Variants in CFAP57 observed in about 807,000 individuals in gnomAD.
The protein encoded by CFAP57 is cilia and flagella associated protein 57, also known as cilia- and flagella-associated protein 57.
CFAP57 carries 116 observed loss-of-function variants against 146.8 expected under a neutral mutation model. The ratio of observed to expected loss-of-function variants is 0.79; its 90% CI spans 0.68 to 0.92. The LOEUF (loss-of-function observed/expected upper bound fraction) is 0.92. Among genes scored for constraint, CFAP57 ranks in the 40% least tolerant of loss-of-function variants. The probability of loss-of-function intolerance (pLI) is 0.00; values close to 1 mark genes in which losing one functional copy is unlikely to be tolerated. For missense variants in CFAP57, 1,377 were observed against 1,527.2 expected (o/e 0.90, Z 1.64); for synonymous variants, 518 against 552.8 (o/e 0.94, Z 0.88).
At chr1:43,209,493 A>G (rs879477902) in intron 10 of CFAP57, among the ~76,000 whole-genome samples, 4 of 152,234 alleles carry the variant, frequency 2.6e-5, no homozygotes, top group African/African-American at 4.8e-5. Context: ...TGCTATATGA[A>G]TATCTCTCTC....
At chr1:43,228,685 A>G (rs1005928004) in intron 18 of CFAP57, among the ~76,000 whole-genome samples, 1 of 149,168 alleles carries the variant, frequency 6.7e-6, no homozygotes, top group African/African-American at 2.5e-5. Flanking sequence ...TGGGCCTCCT[A>G]CCATTCTTGA....
chr1:43,234,428 C>G lies in CFAP57; in HGVS notation c.3261+15C>G. On this transcript the variant is annotated intron_variant, in intron 20 of 22. Coordinates refer to ENST00000372492, the MANE Select transcript of CFAP57 (RefSeq NM_001378189.1). ...GAGCAGACATGGTAAGCTCAGCCTC[C>G]CCTCCTGCCATGCACTGACCTCCGG... is the stretch of plus-strand genomic sequence containing the variant. The G allele has an allele frequency of 6.5e-7, 1 of 1,545,438 alleles. No individual in the cohort carries two copies. The highest frequency in any genetic ancestry group is 1.2e-5 in the South Asian group (1 of 83,264).
chr1:43,254,311 C>T lies in CFAP57; in HGVS notation c.*120C>T, dbSNP rs890399211. The T allele has an allele frequency of 3.5e-6, 3 of 868,968 alleles. No homozygotes were observed. The highest frequency in any genetic ancestry group is 3.5e-6 in the Non-Finnish European group (2 of 575,492). The allele number at this position is 868,968 out of a possible 1,614,324, so 53.8% of individuals were successfully genotyped here. On this transcript the variant is annotated 3_prime_UTR_variant, in exon 23 of 23. Transcript: ENST00000372492. ...CAGCACTGACCCCAGCAACCTCTTT[C>T]TCTTGCCCTGGGGAATTTGGGACAC...
At chr1:43,209,257 G>T (rs1340542072) in intron 10 of CFAP57, among the ~76,000 whole-genome samples, 2 of 152,164 alleles carry the variant, frequency 1.3e-5, no homozygotes, top group Non-Finnish European at 2.9e-5. Flanking sequence ...CTTGCTGAAT[G>T]CATTTATGAG....
At chr1:43,187,302 T>C (rs1643193833) in intron 6 of CFAP57, among the ~76,000 whole-genome samples, 1 of 152,224 alleles carries the variant, frequency 6.6e-6, no homozygotes, top group African/African-American at 2.4e-5. Flanking sequence ...GATCATATTG[T>C]ACTTAAAATG....
At chr1:43,185,099 C>T in intron 4 of CFAP57, 50 bp from the exon 5 acceptor site, 1 of 1,591,690 alleles carries the variant, frequency 6.3e-7, no homozygotes, top group Non-Finnish European at 8.6e-7. Flanking sequence ...CAGAATTCAT[C>T]TCCTCAAGAT....
intron 10 of CFAP57, among the ~76,000 whole-genome samples, chr1:43,207,496 C>T (rs146121565): frequency 2.6e-4 from 39 of 152,298 alleles, no homozygotes; most frequent in African/African-American, 8.9e-4. Flanking sequence ...TACCACATAG[C>T]CTAGGTGTAT....
intron 10 of CFAP57, among the ~76,000 whole-genome samples, chr1:43,207,260 T>A (rs1220922357): frequency 6.6e-6 from 1 of 152,256 alleles, no homozygotes; most frequent in African/African-American, 2.4e-5. Flanking sequence ...ACCCTTGGTC[T>A]GCACTTACAT....
intron 3 of CFAP57, among the ~76,000 whole-genome samples, chr1:43,182,684 C>T (rs774030653): frequency 6.6e-6 from 1 of 152,132 alleles, no homozygotes; most frequent in Non-Finnish European, 1.5e-5. Context: ...GCAGGTAGAA[C>T]CAGAAGGGTA....
chr1:43,253,887 ATGTT>A, intron 22 of CFAP57, 86 bp from the exon 23 acceptor site: 3 of 1,184,732 alleles, frequency 2.5e-6, no homozygotes, highest in Non-Finnish European at 3.6e-6. Context: ...TGCCCAATAA[ATGTT>A]TGAGGAAGCA....
intron 3 of CFAP57, among the ~76,000 whole-genome samples, chr1:43,182,716 G>T (rs1237952071): frequency 6.6e-6 from 1 of 152,166 alleles, no homozygotes; most frequent in Admixed American, 6.6e-5. Context: ...CCACAGTGAG[G>T]CCTGATGAAG....
At chr1:43,234,197 G>C in intron 19 of CFAP57, 82 bp from the exon 20 acceptor site, 1 of 1,387,786 alleles carries the variant, frequency 7.2e-7, no homozygotes, top group Non-Finnish European at 9.5e-7. Context: ...TTCCCTTTCT[G>C]TGCCATTAAC....
In CFAP57 at chr1:43,238,485, T is replaced by C. The variant is rs950214707; in HGVS notation, c.3405+3847T>C. The stretch of plus-strand genomic sequence containing the variant: ...CCCCAGGTCAGATTTCCTCTGCAGC[T>C]GTGTAGACCTGGGTGGGGGTCTGGA... On this transcript the variant is annotated intron_variant, in intron 21 of 22. Transcript: ENST00000372492. The surrounding 1 kb of genome is among the most constrained non-coding windows in gnomAD (Gnocchi z 4.3). Among the ~76,000 whole-genome samples the C allele has an allele frequency of 1.3e-5, 2 of 152,096 alleles. No individual in the cohort carries two copies. The highest frequency in any genetic ancestry group is 4.8e-5 in the African/African-American group (2 of 41,410).
At chr1:43,198,710 G>C in intron 8 of CFAP57, 64 bp downstream of exon 8, 1 of 1,581,740 alleles carries the variant, frequency 6.3e-7, no homozygotes, top group East Asian at 2.2e-5. Flanking sequence ...GAAATATCAG[G>C]AACTAACATG....
At chr1:43,173,692 A>G (rs1645064636) in intron 2 of CFAP57, among the ~76,000 whole-genome samples, 1 of 152,204 alleles carries the variant, frequency 6.6e-6, no homozygotes, top group Non-Finnish European at 1.5e-5. Context: ...ATAATGTCTC[A>G]AATATATGTA....
chr1:43,234,713 G>A, intron 21 of CFAP57, 75 bp downstream of exon 21: 1 of 1,471,362 alleles, frequency 6.8e-7, no homozygotes, highest in Non-Finnish European at 9.1e-7. Flanking sequence ...GGGTCCCTCT[G>A]AGACCACCTG....
At chr1:43,219,955 AAAAT>A (rs371475523) in intron 13 of CFAP57, among the ~76,000 whole-genome samples, 9 of 152,106 alleles carry the variant, frequency 5.9e-5, no homozygotes, top group South Asian at 2.1e-4. Context: ...ACTCTGTCTA[AAAAT>A]AAATAAATAA....
intron 14 of CFAP57, 46 bp downstream of exon 14, chr1:43,221,511 A>G (rs1304255171): frequency 7.4e-7 from 1 of 1,345,374 alleles, no homozygotes; most frequent in Non-Finnish European, 9.9e-7. Context: ...TGGAAGAGCT[A>G]GGTTATGGGG....
chr1:43,224,059 A>G lies in CFAP57; in HGVS notation c.2720A>G (p.Gln907Arg). 3 of 1,550,570 alleles carry G rather than the reference A, an allele frequency of 1.9e-6. No individual in the cohort carries two copies. Among genetic ancestry groups the G allele is most frequent in the Non-Finnish European group, 2.6e-6 (3 of 1,146,966 alleles). ...TCGCTTTTCTAGTTCAGCAGCCTACAGAAGGAGATTGAAGAACGAACCAAT... is the reference window on the plus strand; with the variant it reads ...TCGCTTTTCTAGTTCAGCAGCCTACGGAAGGAGATTGAAGAACGAACCAAT... ...GIMRKKFSSL[Q>R]KEIEERTNDI... The change falls in exon 17 of 23, where the codon CAG becomes CGG. Residue 907 changes from glutamine to arginine, a missense_variant. Transcript: ENST00000372492.
Sources: gnomAD v4.1 joint callset for allele counts (sites outside exome capture counted in the v4.1 genomes callset) on GRCh38, gnomAD v4.1.1 for gene constraint, Gnocchi (gnomAD v3.1) non-coding constraint, MANE v1.5 for transcripts, NCBI Gene and HGNC (gene_info 2026-07-23, HGNC 2026-07-21) for gene names.